The following LIPA variants were observed in gnomAD, a reference collection of about 807,000 sequenced individuals.
LIPA encodes the protein lysosomal acid lipase/cholesteryl ester hydrolase.
In LIPA, 26 loss-of-function variants were observed where a neutral mutation model predicts 40.6. The observed-to-expected ratio is 0.64, with a 90% CI of 0.47 to 0.89. LIPA has a LOEUF of 0.89. Ranked by LOEUF, LIPA falls within the 40% of genes least tolerant of loss-of-function variation. LIPA has a pLI of 0.00. For synonymous variants in LIPA, 188 were observed against 168.4 expected (o/e 1.12, Z -0.90); for missense variants, 455 against 479.6 (o/e 0.95, Z 0.48).
intron 2 of LIPA, among the ~76,000 whole-genome samples, chr10:89,360,257 T>G (rs1844014113): frequency 6.6e-6 from 1 of 152,172 alleles, no homozygotes; most frequent in Non-Finnish European, 1.5e-5. Flanking sequence ...CCCCAGAATG[T>G]GCCTGTGGCT....
intron 3 of LIPA, among the ~76,000 whole-genome samples, chr10:89,236,831 A>C (rs1348566678): frequency 1.3e-5 from 2 of 152,252 alleles, no homozygotes; most frequent in Non-Finnish European, 2.9e-5. Flanking sequence ...AAGATAAAGC[A>C]AGAATAGATT....
chr10:89,412,670 G>C, intron 2 of LIPA: 1 of 389,156 alleles, frequency 2.6e-6, no homozygotes, highest in South Asian at 1.9e-5. Flanking sequence ...CCTGAAGTCA[G>C]TGAAACCACG....
intron 2 of LIPA, among the ~76,000 whole-genome samples, chr10:89,395,355 C>T (rs1844326840): frequency 6.6e-6 from 1 of 152,178 alleles, no homozygotes. Flanking sequence ...GCCCACATTC[C>T]CCACTCGCTG....
chr10:89,394,629 A>ATATATATATATATAT (rs1429080862), intron 2 of LIPA, among the ~76,000 whole-genome samples: 1 of 26,240 alleles, frequency 3.8e-5, no homozygotes, highest in African/African-American at 1.7e-4. Flanking sequence ...TATATATATA[A>ATATATATATATATAT]AACTTGAATT....
intron 1 of LIPA, chr10:89,314,684 G>C (rs1843533258): frequency 6.6e-6 from 1 of 152,154 alleles, no homozygotes; most frequent in South Asian, 2.1e-4. Flanking sequence ...AAAAAGAATA[G>C]TATGAATTTC....
chr10:89,396,095 C>A lies in LIPA; in HGVS notation c.61+16696G>T, dbSNP rs1344159467. Among the ~76,000 whole-genome samples, 18 of 152,188 alleles carry A rather than the reference C, an allele frequency of 1.2e-4. No individual in the cohort carries two copies. In the East Asian group the frequency reaches 3.5e-3, roughly 29 times the overall value. On this transcript the variant is annotated intron_variant, in intron 2 of 8. Transcript: ENST00000371837. ...GTTTTTAAGTATCTTAAGTATATAT[C>A]CAGATGTGGAACATCCAGGAATGTA...
rs538507117 is a variant in LIPA, at chr10:89,214,951, C to T, written c.1077G>A (p.Gln359=). ...DVYDVNILLT[Q]ITNLVFHESI... ...TCTCATGGAACACCAAGTTGGTGATCTGAGTCAGTAAGATATTGACGTCGT... is the reference window on the plus strand; with the variant it reads ...TCTCATGGAACACCAAGTTGGTGATTTGAGTCAGTAAGATATTGACGTCGT... The change falls in exon 10 of 10, where the codon CAG becomes CAA. Residue 359 remains glutamine (Q), a synonymous_variant. Transcript: ENST00000336233. 7 of 1,614,158 alleles carry T rather than the reference C, an allele frequency of 4.3e-6. No homozygotes were observed. In the Admixed American group the frequency reaches 6.7e-5, roughly 15 times the overall value.
chr10:89,296,357 G>T (rs762079835), intron 1 of LIPA, among the ~76,000 whole-genome samples: 10 of 151,836 alleles, frequency 6.6e-5, no homozygotes, highest in African/African-American at 9.7e-5. Flanking sequence ...AGCTGGGCCT[G>T]GTAGCTGGGC....
chr10:89,403,653 T>A, intron 2 of LIPA: 1 of 1,613,084 alleles, frequency 6.2e-7, no homozygotes, highest in Non-Finnish European at 8.5e-7. Context: ...CCTGGAGTAC[T>A]ATGAGCGGGC....
intron 1 of LIPA, chr10:89,339,121 A>G: frequency 1.2e-6 from 2 of 1,614,116 alleles, no homozygotes; most frequent in Non-Finnish European, 1.7e-6. Context: ...TGAAAGGGCG[A>G]AGGTGTGTTT....
chr10:89,337,374 T>C (rs1352536834), intron 1 of LIPA, among the ~76,000 whole-genome samples: 1 of 152,168 alleles, frequency 6.6e-6, no homozygotes, highest in African/African-American at 2.4e-5. Context: ...GAATGAGAAC[T>C]GACTTGGTAT....
chr10:89,222,452 C>T, intron 8 of LIPA, 59 bp downstream of exon 8: 1 of 1,055,194 alleles, frequency 9.5e-7, no homozygotes, highest in Non-Finnish European at 1.5e-6. Flanking sequence ...GGTTTGCATG[C>T]CCAGACCTTT....
intron 2 of LIPA, among the ~76,000 whole-genome samples, chr10:89,375,027 T>A (rs1844112295): frequency 6.6e-6 from 1 of 152,220 alleles, no homozygotes. Flanking sequence ...AAAATTGTAG[T>A]CTGGAAGGGC....
Position 89,274,157 on chromosome 10 carries a change from C to T in LIPA, c.-1-26508G>A, listed in dbSNP as rs78329038. 1.7e-3 allele frequency among the ~76,000 whole-genome samples: 254 copies of T among 152,248 alleles called. 1 individual carries two copies. The highest frequency in any genetic ancestry group is 5.8e-3 in the African/African-American group (242 of 41,522). On this transcript the variant is annotated intron_variant, in intron 1 of 5. Transcript: ENST00000282673. ...TGGCCCTTGGACAAAAGTGCAGAAG[C>T]TCACTGGGGGATTTTTTGGTTATTT...
intron 1 of LIPA, among the ~76,000 whole-genome samples, chr10:89,261,542 A>G (rs1177168986): frequency 1.8e-4 from 28 of 152,174 alleles, no homozygotes; most frequent in Admixed American, 1.8e-3. Flanking sequence ...AAAATTTAAA[A>G]AATCAGAAGA....
intron 1 of LIPA, among the ~76,000 whole-genome samples, chr10:89,298,432 T>C (rs1843427738): frequency 6.6e-6 from 1 of 152,158 alleles, no homozygotes; most frequent in South Asian, 2.1e-4. Flanking sequence ...CCAAATAAAT[T>C]GTACAGAGGC....
intron 2 of LIPA, among the ~76,000 whole-genome samples, chr10:89,350,616 T>C (rs1785818474): frequency 6.6e-6 from 1 of 151,604 alleles, no homozygotes; most frequent in African/African-American, 2.4e-5. Context: ...GAAGTTACCT[T>C]TTAAGCATTT....
At chr10:89,285,732 T>TG (rs1008540023) in intron 1 of LIPA, among the ~76,000 whole-genome samples, 20 of 151,882 alleles carry the variant, frequency 1.3e-4, no homozygotes, top group African/African-American at 4.8e-4. Context: ...TCCACTTTCC[T>TG]GGGGGGCAAG....
intron 1 of LIPA, among the ~76,000 whole-genome samples, chr10:89,297,109 G>A (rs10887941): frequency 0.21 from 31,386 of 152,104 alleles, 4,134 homozygotes; most frequent in East Asian, 0.66. Context: ...CACCCAAGGC[G>A]CAGAAGAAGA....
Sources: allele counts gnomAD v4.1 joint callset (sites outside exome capture counted in the v4.1 genomes callset), GRCh38; gene constraint gnomAD v4.1.1; transcripts MANE v1.5; gene names NCBI Gene and HGNC (gene_info 2026-07-23, HGNC 2026-07-21).